Variants in FHL5 observed in about 807,000 individuals in gnomAD.
FHL5 encodes the protein four and a half LIM domains protein 5.
Under a neutral mutation model 32.0 loss-of-function variants are expected in FHL5, and 33 were observed. That is an observed-to-expected ratio of 1.03 (90% CI 0.78 to 1.38). FHL5 has a LOEUF of 1.38. Ranked by LOEUF, FHL5 falls within the 40% of genes most tolerant of loss-of-function variation. FHL5 has a pLI of 0.00. For synonymous variants in FHL5, 114 were observed against 113.6 expected, an observed-to-expected ratio of 1.00 and a Z score of -0.02; for missense variants, 336 against 343.9, an observed-to-expected ratio of 0.98 and a Z score of 0.18.
At chr6:96,604,366 C>G (rs1771224882) in intron 2 of FHL5, among the ~76,000 whole-genome samples, 1 of 149,774 alleles carries the variant, frequency 6.7e-6, no homozygotes, top group East Asian at 2.0e-4. Context: ...CTTTGTTTTA[C>G]TTAGGTGATG....
intron 1 of FHL5, among the ~76,000 whole-genome samples, chr6:96,591,401 G>A (rs746436902): frequency 2.6e-4 from 39 of 151,966 alleles, no homozygotes; most frequent in Non-Finnish European, 4.9e-4. Context: ...ACATGTTTAC[G>A]GTTTTCATTT....
chr6:96,617,982 G>C lies in FHL5; in HGVS notation c.*2210G>C, dbSNP rs1771556224. The stretch of plus-strand genomic sequence containing the variant: ...TATGCCAAAAGTTAGAGCTTATACT[G>C]TTGTGGGTCTGGAGTTGTAGGAGGA... On this transcript the variant is annotated 3_prime_UTR_variant, in exon 6 of 6. Transcript: ENST00000450218. Among the ~76,000 whole-genome samples, 1 of 152,126 alleles carries C rather than the reference G, an allele frequency of 6.6e-6. No individual in the cohort carries two copies. Among genetic ancestry groups the C allele is most frequent in the Non-Finnish European group, 1.5e-5 (1 of 68,038 alleles).
At position 96,568,471 on chromosome 6, in the gene FHL5, GC is replaced by G. The variant is rs1264785643; in HGVS notation, c.-13+5118del. 4.0e-5 allele frequency among the ~76,000 whole-genome samples: 6 copies of G among 151,770 alleles called. No individual in the cohort carries two copies. The South Asian group carries it at 1.0e-3, about 26-fold the overall frequency. Reference sequence around the variant, plus strand: ...TAGTTTTGGTATCAAGGTAACACTGGCCTCATAGAATGAGTTTTAAAGAATT... The same window carrying G: ...TAGTTTTGGTATCAAGGTAACACTGGCTCATAGAATGAGTTTTAAAGAATT... On this transcript the variant is annotated intron_variant, in intron 1 of 5. Coordinates refer to ENST00000450218, the MANE Select transcript of FHL5 (RefSeq NM_001322466.2).
intron 1 of FHL5, among the ~76,000 whole-genome samples, chr6:96,596,804 C>T (rs992358817): frequency 1.3e-5 from 2 of 151,992 alleles, no homozygotes; most frequent in Non-Finnish European, 2.9e-5. Flanking sequence ...AGTTTAGTTC[C>T]TCAAATTCAA....
chr6:96,588,673 T>C (rs561292972), intron 1 of FHL5, among the ~76,000 whole-genome samples: 5 of 152,222 alleles, frequency 3.3e-5, no homozygotes, highest in South Asian at 2.1e-4. Flanking sequence ...CAAAAGAAAA[T>C]ATTTGCTTAT....
chr6:96,565,149 A>T (rs1302245159), intron 1 of FHL5, among the ~76,000 whole-genome samples: 1 of 152,152 alleles, frequency 6.6e-6, no homozygotes, highest in Non-Finnish European at 1.5e-5. Context: ...TGAACTAGTA[A>T]AACATTCTTA....
rs760985824 is a variant in FHL5 at position 96,603,648 on chromosome 6, C to T, written c.35C>T (p.Thr12Ile). The T allele has an allele frequency of 1.9e-6, 3 of 1,613,006 alleles. No homozygotes were observed. Among genetic ancestry groups the T allele is most frequent in the Non-Finnish European group, 2.5e-6 (3 of 1,179,544 alleles). Reference protein sequence around the residue: ...TTAHFYCQYCTASLLGKKYVL... With the variant: ...TTAHFYCQYCIASLLGKKYVL... ...GCTCACTTTTACTGTCAATACTGCA[C>T]AGCATCACTTCTTGGGAAGAAATAT... is the stretch of plus-strand genomic sequence containing the variant. The change falls in exon 2 of 6, where the codon ACA becomes ATA. Residue 12 changes from threonine (T) to isoleucine (I), a missense_variant. By Grantham distance (89) the Thr-to-Ile change is moderately conservative (BLOSUM62 -1). Coordinates refer to ENST00000450218, the MANE Select transcript of FHL5 (RefSeq NM_001322466.2).
intron 1 of FHL5, among the ~76,000 whole-genome samples, chr6:96,597,796 C>T (rs979961047): frequency 1.1e-4 from 17 of 152,226 alleles, no homozygotes; most frequent in African/African-American, 3.9e-4. Flanking sequence ...CTCCACATCT[C>T]AAGGAAAGGG....
At position 96,610,640 on chromosome 6, in the gene FHL5, C is replaced by T; in HGVS notation, c.573C>T (p.Gly191=). Residue 191 remains glycine (G), a synonymous_variant, in exon 5 of 6, where the codon GGC becomes GGT. Coordinates refer to ENST00000450218, the MANE Select transcript of FHL5 (RefSeq NM_001322466.2). ...ATAAAGAGTGTTTTCTGTGTAGTGG[C>T]TGTAGGAAAGATCTCTGTGAAGAAC... is the stretch of plus-strand genomic sequence containing the variant. ...LWHKECFLCS[G]CRKDLCEEQF... 1 of 1,613,586 alleles carries T rather than the reference C, an allele frequency of 6.2e-7. No homozygotes were observed. The highest frequency in any genetic ancestry group is 8.5e-7 in the Non-Finnish European group (1 of 1,179,580).
chr6:96,598,918 G>A (rs540117940), intron 1 of FHL5, among the ~76,000 whole-genome samples: 1 of 152,276 alleles, frequency 6.6e-6, no homozygotes, highest in African/African-American at 2.4e-5. Context: ...GATGGTGTGT[G>A]ATGCCTTGCA....
intron 1 of FHL5, among the ~76,000 whole-genome samples, chr6:96,580,537 G>C (rs1770677137): frequency 6.6e-6 from 1 of 152,128 alleles, no homozygotes; most frequent in African/African-American, 2.4e-5. Context: ...GTTTAAGCCA[G>C]AAGTAGAACA....
intron 1 of FHL5, among the ~76,000 whole-genome samples, chr6:96,599,042 AAATGTTAAG>A (rs150354050): frequency 0.038 from 5,732 of 152,214 alleles, 132 homozygotes; most frequent in African/African-American, 0.052. Context: ...AGCATAGTAA[AAATGTTAAG>A]AATGTTAAGT....
chr6:96,599,566 C>T (rs563952212), intron 1 of FHL5, among the ~76,000 whole-genome samples: 46 of 152,154 alleles, frequency 3.0e-4, no homozygotes, highest in Non-Finnish European at 6.0e-4. Context: ...AGTCTATTCA[C>T]GCCATTGAAT....
At chr6:96,566,073 G>A (rs1049404291) in intron 1 of FHL5, among the ~76,000 whole-genome samples, 2 of 151,932 alleles carry the variant, frequency 1.3e-5, no homozygotes, top group African/African-American at 4.8e-5. Context: ...TTACCCTATA[G>A]TGCTATAGAA....
Position 96,615,842 on chromosome 6 carries a change from C to A in FHL5, c.*70C>A. On this transcript the variant is annotated 3_prime_UTR_variant, in exon 6 of 6. Coordinates refer to ENST00000450218, the MANE Select transcript of FHL5 (RefSeq NM_001322466.2). ...ACTAAAGCCAGAACTCAGTTGCGGT[C>A]TTATTTTTGACTTAAGTTTTAGAAA... 3 of 1,309,156 alleles carry A rather than the reference C, an allele frequency of 2.3e-6. No homozygotes were observed. Among genetic ancestry groups the A allele is most frequent in the Non-Finnish European group, 3.1e-6 (3 of 965,350 alleles). The allele number at this position is 1,309,156 out of a possible 1,614,324, so 81.1% of individuals were successfully genotyped here.
intron 1 of FHL5, among the ~76,000 whole-genome samples, chr6:96,566,783 C>T (rs1251507837): frequency 2.6e-5 from 4 of 151,786 alleles, no homozygotes; most frequent in African/African-American, 9.7e-5. Context: ...TACCTGTTGG[C>T]CATTTGTATG....
At chr6:96,598,210 C>T (rs190397921) in intron 1 of FHL5, among the ~76,000 whole-genome samples, 1 of 152,332 alleles carries the variant, frequency 6.6e-6, no homozygotes, top group East Asian at 1.9e-4. Flanking sequence ...GTTAGGAAAA[C>T]TGAACCCTGG....
chr6:96,571,570 C>A (rs1770479242), intron 1 of FHL5, among the ~76,000 whole-genome samples: 1 of 152,130 alleles, frequency 6.6e-6, no homozygotes, highest in African/African-American at 2.4e-5. Context: ...TGCAGCTTCA[C>A]CCCTTGTGGC....
chr6:96,605,562 C>G (rs963711931), intron 3 of FHL5, among the ~76,000 whole-genome samples: 1 of 152,080 alleles, frequency 6.6e-6, no homozygotes, highest in Non-Finnish European at 1.5e-5. Flanking sequence ...TTTTTAATAC[C>G]CTTGTAATGA....
Sources: allele counts gnomAD v4.1 joint callset (sites outside exome capture counted in the v4.1 genomes callset), GRCh38; gene constraint gnomAD v4.1.1; transcripts MANE v1.5; gene names NCBI Gene and HGNC (gene_info 2026-07-23, HGNC 2026-07-21).